The following CNTN5 variants were observed in gnomAD, a reference collection of about 807,000 sequenced individuals.
CNTN5 encodes contactin-5.
CNTN5 carries 77 observed loss-of-function variants against 129.1 expected under a neutral mutation model. The observed-to-expected ratio is 0.60, with a 90% CI of 0.50 to 0.72. The LOEUF (loss-of-function observed/expected upper bound fraction) is 0.72. CNTN5 is among the 30% of genes least tolerant of loss of function. The probability of loss-of-function intolerance (pLI) is 0.00; values close to 1 mark genes in which losing one functional copy is unlikely to be tolerated. For missense variants in CNTN5, 1,478 were observed against 1,328.8 expected (o/e 1.11, Z -1.75); for synonymous variants, 509 against 465.6 (o/e 1.09, Z -1.20).
At chr11:100,068,380 T>C (rs1943775607) in intron 10 of CNTN5, among the ~76,000 whole-genome samples, 1 of 152,126 alleles carries the variant, frequency 6.6e-6, no homozygotes. Context: ...TCTTACTTAA[T>C]TTAGAATAAA....
intron 6 of CNTN5, among the ~76,000 whole-genome samples, chr11:99,892,844 GT>G (rs1321865446): frequency 6.6e-6 from 1 of 152,128 alleles, no homozygotes; most frequent in Non-Finnish European, 1.5e-5. Flanking sequence ...GTTTAAAGTA[GT>G]TTTTTCTAAT....
At chr11:99,473,966 G>C (rs1358937417) in intron 2 of CNTN5, among the ~76,000 whole-genome samples, 6 of 151,960 alleles carry the variant, frequency 3.9e-5, no homozygotes, top group Non-Finnish European at 5.9e-5. Context: ...TGCTGAGTTT[G>C]GCCAGGGCTA....
intron 1 of CNTN5, among the ~76,000 whole-genome samples, chr11:99,030,988 T>A (rs900288447): frequency 1.3e-5 from 2 of 151,288 alleles, no homozygotes; most frequent in Non-Finnish European, 2.9e-5. Context: ...TAGTAGAGAC[T>A]GGGTTTCACC....
chr11:99,920,873 C>T (rs1949921122), intron 7 of CNTN5, among the ~76,000 whole-genome samples: 1 of 152,120 alleles, frequency 6.6e-6, no homozygotes, highest in African/African-American at 2.4e-5. Context: ...GGGATATAAA[C>T]ATTCAGACCA....
rs190809168 is a variant in CNTN5, at chr11:99,799,748, A to T, written c.56-19796A>T. Among the ~76,000 whole-genome samples, 96 of 152,050 alleles carry T rather than the reference A, an allele frequency of 6.3e-4. 1 individual carries two copies. The Middle Eastern group carries it at 0.01, about 16-fold the overall frequency. On this transcript the variant is annotated intron_variant, in intron 3 of 24. Coordinates refer to ENST00000524871, the MANE Select transcript of CNTN5 (RefSeq NM_014361.4). ...TGTCAGGCTTTGGTAACTTGGGTTGATGCTGCCTTTGTAGAATGAGTTAGG... is the reference window on the plus strand; with the variant it reads ...TGTCAGGCTTTGGTAACTTGGGTTGTTGCTGCCTTTGTAGAATGAGTTAGG...
At chr11:100,263,126 G>A (rs1394073161) in intron 17 of CNTN5, among the ~76,000 whole-genome samples, 1 of 151,974 alleles carries the variant, frequency 6.6e-6, no homozygotes, top group Non-Finnish European at 1.5e-5. Flanking sequence ...CACACTTACT[G>A]GATAGTTACT....
intron 18 of CNTN5, among the ~76,000 whole-genome samples, chr11:100,286,701 C>A (rs1233006118): frequency 6.7e-6 from 1 of 150,044 alleles, no homozygotes; most frequent in Admixed American, 6.6e-5. Flanking sequence ...CAGAGTGCCT[C>A]TCCTCCTCCA....
chr11:99,479,995 A>G (rs1945529220), intron 2 of CNTN5, among the ~76,000 whole-genome samples: 1 of 134,808 alleles, frequency 7.4e-6, no homozygotes, highest in Non-Finnish European at 1.7e-5. Flanking sequence ...CTTTATTACA[A>G]GACAAAACAG....
intron 18 of CNTN5, among the ~76,000 whole-genome samples, chr11:100,276,854 AT>A (rs560279911): frequency 0.022 from 3,287 of 146,904 alleles, 45 homozygotes; most frequent in South Asian, 0.065. Context: ...TGTACAATTA[AT>A]TTTTTTTTTT....
intron 2 of CNTN5, among the ~76,000 whole-genome samples, chr11:99,437,660 G>A (rs1047251288): frequency 4.6e-5 from 7 of 151,788 alleles, no homozygotes; most frequent in East Asian, 1.9e-4. Context: ...AAACCCCATC[G>A]CTACTAAAAA....
At chr11:99,057,986 G>A (rs1864702655) in intron 1 of CNTN5, among the ~76,000 whole-genome samples, 1 of 152,018 alleles carries the variant, frequency 6.6e-6, no homozygotes, top group African/African-American at 2.4e-5. Flanking sequence ...AGAGGAAACA[G>A]GGTTAAAAAA....
At chr11:99,889,113 G>C (rs1948978054) in intron 6 of CNTN5, among the ~76,000 whole-genome samples, 1 of 152,020 alleles carries the variant, frequency 6.6e-6, no homozygotes, top group African/African-American at 2.4e-5. Flanking sequence ...TTGTTATCCA[G>C]CAACGATCCT....
chr11:99,056,621 A>G (rs1309120835), intron 1 of CNTN5, among the ~76,000 whole-genome samples: 3 of 152,020 alleles, frequency 2.0e-5, no homozygotes, highest in Non-Finnish European at 4.4e-5. Flanking sequence ...CTAGGTCCCT[A>G]GGTCCCAGAT....
At chr11:99,307,144 T>A (rs1864913482) in intron 1 of CNTN5, among the ~76,000 whole-genome samples, 1 of 152,198 alleles carries the variant, frequency 6.6e-6, no homozygotes, top group Non-Finnish European at 1.5e-5. Context: ...TATTTAAATA[T>A]TTTCCTAGTG....
At chr11:99,390,559 C>A (rs1005143026) in intron 2 of CNTN5, among the ~76,000 whole-genome samples, 1 of 152,102 alleles carries the variant, frequency 6.6e-6, no homozygotes, top group African/African-American at 2.4e-5. Context: ...CAGATTCACA[C>A]CATATTATGT....
chr11:99,528,790 G>A (rs187688186), intron 2 of CNTN5, among the ~76,000 whole-genome samples: 61 of 152,246 alleles, frequency 4.0e-4, no homozygotes, highest in Admixed American at 1.0e-3. Context: ...CAGGCCGGGC[G>A]TAGTGGCTCA....
chr11:99,295,862 G>A (rs1450753757), intron 1 of CNTN5, among the ~76,000 whole-genome samples: 4 of 122,596 alleles, frequency 3.3e-5, no homozygotes, highest in African/African-American at 6.3e-5. Context: ...TGGCCTGGGC[G>A]ACAGAGCGAG....
chr11:99,597,667 CTT>C (rs1950167790), intron 3 of CNTN5, among the ~76,000 whole-genome samples: 1 of 152,116 alleles, frequency 6.6e-6, no homozygotes, highest in Non-Finnish European at 1.5e-5. Context: ...TATACTAACT[CTT>C]TTGTGTTATT....
chr11:99,504,132 T>C (rs902582246), intron 2 of CNTN5, among the ~76,000 whole-genome samples: 1 of 152,240 alleles, frequency 6.6e-6, no homozygotes, highest in Admixed American at 6.5e-5. Flanking sequence ...AATTTTAATA[T>C]GATCAACAAA....
Sources: allele counts gnomAD v4.1 joint callset (sites outside exome capture counted in the v4.1 genomes callset), GRCh38; gene constraint gnomAD v4.1.1; transcripts MANE v1.5; gene names NCBI Gene and HGNC (gene_info 2026-07-23, HGNC 2026-07-21).